RPSA2: variants seen among roughly 807,000 people sequenced by gnomAD.
RPSA2 encodes ribosomal protein SA 2.
At chr19:23,852,683 G>A in the RPSA2 span, among the ~76,000 whole-genome samples, 28 of 152,136 alleles carry the variant, frequency 1.8e-4, no homozygotes, top group Admixed American at 1.8e-3. Context: ...TTTCAGCTTG[G>A]GCGTTAGGGC....
chr19:23,761,126 C>T, the RPSA2 span, among the ~76,000 whole-genome samples: 1 of 150,840 alleles, frequency 6.6e-6, no homozygotes, highest in Non-Finnish European at 1.5e-5. Flanking sequence ...CTCACTCTGT[C>T]ATCCAGGCTG....
At chr19:23,801,205 C>CA in the RPSA2 span, among the ~76,000 whole-genome samples, 2 of 151,756 alleles carry the variant, frequency 1.3e-5, no homozygotes, top group Non-Finnish European at 2.9e-5. Flanking sequence ...CAAAACAAAA[C>CA]AAAAGTTTCA....
At chr19:23,790,976 C>T in the RPSA2 span, among the ~76,000 whole-genome samples, 1 of 152,192 alleles carries the variant, frequency 6.6e-6, no homozygotes, top group Non-Finnish European at 1.5e-5. Flanking sequence ...GTCCTGTCTT[C>T]CCAGTGCATT....
the RPSA2 span, among the ~76,000 whole-genome samples, chr19:23,805,516 TAG>T: frequency 6.6e-6 from 1 of 151,866 alleles, no homozygotes; most frequent in African/African-American, 2.4e-5. Flanking sequence ...CAGAAATGGG[TAG>T]AGTTTTTCTG....
the RPSA2 span, among the ~76,000 whole-genome samples, chr19:23,836,541 G>C: frequency 1.3e-5 from 2 of 152,128 alleles, no homozygotes; most frequent in Non-Finnish European, 2.9e-5. Flanking sequence ...CCCAGTAGTG[G>C]GATTGCTGGA....
the RPSA2 span, chr19:23,833,072 G>A: frequency 1.5e-6 from 2 of 1,315,592 alleles, no homozygotes; most frequent in Non-Finnish European, 9.9e-7. Flanking sequence ...GAAGAATGTG[G>A]CAAATCTTTT....
At chr19:23,824,587 T>C in the RPSA2 span, among the ~76,000 whole-genome samples, 2 of 124,970 alleles carry the variant, frequency 1.6e-5, 1 homozygote, top group Non-Finnish European at 3.3e-5. Flanking sequence ...TTTCTTTTTT[T>C]TTTTTTTTTT....
At chr19:23,789,493 G>T in the RPSA2 span, among the ~76,000 whole-genome samples, 6 of 152,002 alleles carry the variant, frequency 3.9e-5, no homozygotes, top group Admixed American at 3.9e-4. Context: ...CATATATCTT[G>T]CCCCAGCTTG....
chr19:23,771,643 C>T, the RPSA2 span, among the ~76,000 whole-genome samples: 148,808 of 152,140 alleles, frequency 0.98, 72,868 homozygotes, highest in Middle Eastern at 1. Context: ...TTCTTTTGTC[C>T]TAGTGCTTTT....
the RPSA2 span, among the ~76,000 whole-genome samples, chr19:23,771,448 G>T: frequency 6.6e-6 from 1 of 152,256 alleles, no homozygotes; most frequent in Non-Finnish European, 1.5e-5. Flanking sequence ...AGGGTATTAT[G>T]TCTCATACCT....
At chr19:23,830,262 A>C in the RPSA2 span, among the ~76,000 whole-genome samples, 1 of 152,168 alleles carries the variant, frequency 6.6e-6, no homozygotes, top group Non-Finnish European at 1.5e-5. Flanking sequence ...CTCCAGCCTC[A>C]GCCTCCTGAG....
chr19:23,796,117 C>T, the RPSA2 span, among the ~76,000 whole-genome samples: 2 of 152,152 alleles, frequency 1.3e-5, no homozygotes, highest in Non-Finnish European at 2.9e-5. Context: ...TCATAAATAA[C>T]TTATTATTGT....
the RPSA2 span, among the ~76,000 whole-genome samples, chr19:23,780,899 T>TG: frequency 1.3e-5 from 2 of 152,234 alleles, no homozygotes; most frequent in African/African-American, 4.8e-5. Flanking sequence ...AGCCTACTTT[T>TG]GAGGTTCTGA....
At chr19:23,839,350 G>T in the RPSA2 span, among the ~76,000 whole-genome samples, 171 of 152,158 alleles carry the variant, frequency 1.1e-3, no homozygotes, top group African/African-American at 4.0e-3. Flanking sequence ...CGTTATGATT[G>T]TCTCTGCTGA....
the RPSA2 span, among the ~76,000 whole-genome samples, chr19:23,867,829 CA>C: frequency 0.46 from 55,024 of 120,106 alleles, 11,151 homozygotes; most frequent in East Asian, 0.67. Context: ...GACTCCGTCT[CA>C]AAAAAAAAAA....
At chr19:23,866,099 G>A in the RPSA2 span, among the ~76,000 whole-genome samples, 7 of 152,162 alleles carry the variant, frequency 4.6e-5, no homozygotes, top group African/African-American at 1.7e-4. Flanking sequence ...TTTCAGATCT[G>A]GTACAACAAT....
the RPSA2 span, among the ~76,000 whole-genome samples, chr19:23,760,246 C>A: frequency 6.6e-6 from 1 of 152,138 alleles, no homozygotes; most frequent in South Asian, 2.1e-4. Context: ...CCCCCTAACC[C>A]CCTCCATTCC....
At chr19:23,815,335 G>C in the RPSA2 span, among the ~76,000 whole-genome samples, 10 of 152,148 alleles carry the variant, frequency 6.6e-5, no homozygotes. Flanking sequence ...CTTAATGTTG[G>C]ATGTGAGACC....
At chr19:23,763,583 C>T in the RPSA2 span, among the ~76,000 whole-genome samples, 23 of 152,156 alleles carry the variant, frequency 1.5e-4, 1 homozygote, top group African/African-American at 5.1e-4. Context: ...ATTCTCGTGC[C>T]TCCGCCTCCC....
Sources: allele counts gnomAD v4.1 joint callset (sites outside exome capture counted in the v4.1 genomes callset), GRCh38; gene constraint gnomAD v4.1.1; transcripts MANE v1.5; gene names NCBI Gene and HGNC (gene_info 2026-07-23, HGNC 2026-07-21).